GRIA2: variants seen among roughly 807,000 people sequenced by gnomAD.
GRIA2 encodes glutamate ionotropic receptor AMPA type subunit 2, also known as glutamate receptor 2.
GRIA2 carries 14 observed loss-of-function variants against 97.3 expected under a neutral mutation model. That is an observed-to-expected ratio of 0.14 (90% CI 0.10 to 0.23). The LOEUF (loss-of-function observed/expected upper bound fraction) is 0.23, where lower values mean the gene tolerates loss of function less well. Ranked by LOEUF, GRIA2 falls within the 10% of genes least tolerant of loss-of-function variation. The pLI is 1.00. For missense variants in GRIA2, 558 were observed against 1,069.8 expected, an observed-to-expected ratio of 0.52 and a Z score of 6.67; for synonymous variants, 412 against 387.8, an observed-to-expected ratio of 1.06 and a Z score of -0.73.
chr4:157,338,008 G>GTGTATA (rs1258096935), intron 11 of GRIA2, among the ~76,000 whole-genome samples: 2 of 79,358 alleles, frequency 2.5e-5, no homozygotes, highest in African/African-American at 9.9e-5. Flanking sequence ...ATATATATGT[G>GTGTATA]TATATATATA....
chr4:157,237,794 C>T (rs1234837555), intron 2 of GRIA2, among the ~76,000 whole-genome samples: 2 of 152,076 alleles, frequency 1.3e-5, no homozygotes, highest in African/African-American at 4.8e-5. Context: ...AGATTTTGAA[C>T]ATTAACGGAG....
Position 157,361,252 on chromosome 4 carries a change from A to G in GRIA2, c.2406+128A>G, listed in dbSNP as rs558548618. On this transcript the variant is annotated intron_variant, in intron 14 of 15. Transcript: ENST00000264426. This position sits in a 1 kb window ranked among gnomAD's most constrained non-coding sequence, Gnocchi z 5.2. ...AGCTGAAGAGTGCAATTGGATGACC[A>G]GGACACTTGACTTCTTCTTTCTTTC... 12 of 696,672 alleles carry G rather than the reference A, an allele frequency of 1.7e-5. No individual in the cohort carries two copies. The South Asian group carries it at 2.3e-4, about 13-fold the overall frequency. The allele number at this position is 696,672 out of a possible 1,614,324, so 43.2% of individuals were successfully genotyped here.
At chr4:157,261,196 A>G (rs1485850217) in intron 2 of GRIA2, among the ~76,000 whole-genome samples, 1 of 152,092 alleles carries the variant, frequency 6.6e-6, no homozygotes, top group Non-Finnish European at 1.5e-5. Context: ...GCGGCAGGCA[A>G]TAGAGCTTGT....
At chr4:157,264,565 A>C (rs1731683697) in intron 2 of GRIA2, among the ~76,000 whole-genome samples, 1 of 152,124 alleles carries the variant, frequency 6.6e-6, no homozygotes. Flanking sequence ...CTTTAATTCT[A>C]ACTGCAATCT....
chr4:157,316,605 T>C (rs1173106029), intron 4 of GRIA2, among the ~76,000 whole-genome samples: 2 of 151,730 alleles, frequency 1.3e-5, no homozygotes, highest in Non-Finnish European at 1.5e-5. Flanking sequence ...AGCCCTAAGG[T>C]GATGAGAAGA....
At chr4:157,341,191 A>G in intron 11 of GRIA2, 73 bp from the exon 12 acceptor site, 1 of 962,508 alleles carries the variant, frequency 1.0e-6, no homozygotes, top group Non-Finnish European at 1.7e-6. Flanking sequence ...CAATATTTGC[A>G]TAATACTGCT....
intron 2 of GRIA2, among the ~76,000 whole-genome samples, chr4:157,275,509 A>G (rs1379971752): frequency 1.3e-5 from 2 of 152,140 alleles, no homozygotes; most frequent in African/African-American, 4.8e-5. Flanking sequence ...TAGGTCTAAC[A>G]TGTAAGTCTT....
At chr4:157,321,190 T>A (rs1734549144) in intron 5 of GRIA2, among the ~76,000 whole-genome samples, 1 of 152,174 alleles carries the variant, frequency 6.6e-6, no homozygotes, top group Admixed American at 6.5e-5. Flanking sequence ...GGTACAACCA[T>A]GAGTGTTTCA....
At chr4:157,275,359 G>A (rs569551225) in intron 2 of GRIA2, among the ~76,000 whole-genome samples, 67 of 152,268 alleles carry the variant, frequency 4.4e-4, no homozygotes, top group Admixed American at 4.1e-3. Flanking sequence ...CTGTGCAGAA[G>A]CTCTTTAGTT....
chr4:157,243,135 A>T (rs1019596637), intron 2 of GRIA2, among the ~76,000 whole-genome samples: 1 of 152,056 alleles, frequency 6.6e-6, no homozygotes, highest in Non-Finnish European at 1.5e-5. Flanking sequence ...GCTGGGTAAC[A>T]ATTTTTCACT....
rs547300978 is a variant in GRIA2 at position 157,318,333 on chromosome 4, G to C, written c.720+622G>C. ...AATTTGTGAGAATATGTCTTAGTATGAAATTAAACCTGAAAAAATCTAGAA... is the reference window on the plus strand; with the variant it reads ...AATTTGTGAGAATATGTCTTAGTATCAAATTAAACCTGAAAAAATCTAGAA... On this transcript the variant is annotated intron_variant, in intron 5 of 15. Transcript: ENST00000264426. 4.6e-5 allele frequency among the ~76,000 whole-genome samples: 7 copies of C among 152,062 alleles called. No homozygotes were observed. The South Asian group carries it at 1.5e-3, about 32-fold the overall frequency.
At chr4:157,353,250 G>A (rs1736095752) in intron 12 of GRIA2, among the ~76,000 whole-genome samples, 1 of 152,162 alleles carries the variant, frequency 6.6e-6, no homozygotes, top group Non-Finnish European at 1.5e-5. Flanking sequence ...TACTCTGGAG[G>A]CTGAGGCAGG....
intron 3 of GRIA2, among the ~76,000 whole-genome samples, chr4:157,310,994 C>T (rs1460597301): frequency 6.6e-6 from 1 of 151,974 alleles, no homozygotes; most frequent in Non-Finnish European, 1.5e-5. Flanking sequence ...TCTCTGTTAT[C>T]TCTCTTTTTG....
At chr4:157,226,490 T>G (rs1256805145) in intron 2 of GRIA2, among the ~76,000 whole-genome samples, 1 of 152,048 alleles carries the variant, frequency 6.6e-6, no homozygotes, top group African/African-American at 2.4e-5. Context: ...GGAGAGAGAA[T>G]TCTAAAATTA....
chr4:157,303,917 G>C (rs1733727729), intron 3 of GRIA2, 126 bp downstream of exon 3: 2 of 929,928 alleles, frequency 2.2e-6, no homozygotes, highest in Non-Finnish European at 1.7e-6. Flanking sequence ...TAATTTTGCT[G>C]TGATAATGAC....
intron 2 of GRIA2, among the ~76,000 whole-genome samples, chr4:157,259,838 A>G (rs538716235): frequency 1.3e-5 from 2 of 152,224 alleles, no homozygotes; most frequent in South Asian, 2.1e-4. Context: ...AGGTAACACC[A>G]TTACATCTGT....
chr4:157,301,298 CAT>C (rs1308099417), intron 2 of GRIA2, among the ~76,000 whole-genome samples: 1 of 152,124 alleles, frequency 6.6e-6, no homozygotes, highest in Non-Finnish European at 1.5e-5. Flanking sequence ...GAAGAAAGGA[CAT>C]AGTTATCAAA....
At chr4:157,289,203 A>G (rs1056570742) in intron 2 of GRIA2, among the ~76,000 whole-genome samples, 2 of 151,896 alleles carry the variant, frequency 1.3e-5, no homozygotes, top group Non-Finnish European at 2.9e-5. Context: ...TTTTAAAAAA[A>G]CTAATTTCAA....
At chr4:157,334,387 C>G (rs1735193857) in intron 9 of GRIA2, 1 of 317,276 alleles carries the variant, frequency 3.2e-6, no homozygotes, top group Admixed American at 4.2e-5. Context: ...TGGGGAATGT[C>G]TTGAAGAGTG....
Sources: allele counts gnomAD v4.1 joint callset (sites outside exome capture counted in the v4.1 genomes callset), GRCh38; gene constraint gnomAD v4.1.1; non-coding constraint Gnocchi (gnomAD v3.1); transcripts MANE v1.5; gene names NCBI Gene and HGNC (gene_info 2026-07-23, HGNC 2026-07-21).